SMYD3: variants seen among roughly 807,000 people sequenced by gnomAD.
SMYD3 encodes histone-lysine N-methyltransferase SMYD3.
Under a neutral mutation model 57.7 loss-of-function variants are expected in SMYD3, and 36 were observed. The ratio of observed to expected loss-of-function variants is 0.62; its 90% CI spans 0.48 to 0.82. The LOEUF is 0.82. Among genes scored for constraint, SMYD3 ranks in the 40% least tolerant of loss-of-function variants. The pLI, the probability that SMYD3 is intolerant of heterozygous loss-of-function variation, is 0.00. For synonymous variants in SMYD3, 211 were observed against 195.0 expected (o/e 1.08, Z -0.68); for missense variants, 515 against 538.8 (o/e 0.96, Z 0.44).
intron 1 of SMYD3, among the ~76,000 whole-genome samples, chr1:246,491,559 A>G (rs12045102): frequency 0.38 from 56,956 of 148,228 alleles, 12,326 homozygotes; most frequent in East Asian, 0.63. Flanking sequence ...AAAAAAAAAA[A>G]AGAGAGAGAA....
intron 10 of SMYD3, among the ~76,000 whole-genome samples, chr1:245,849,341 T>C (rs1265261486): frequency 6.6e-6 from 1 of 152,086 alleles, no homozygotes; most frequent in Non-Finnish European, 1.5e-5. Context: ...GAAAGTCAAA[T>C]GGAGGAATTT....
At chr1:246,130,924 A>G (rs1337202027) in intron 5 of SMYD3, among the ~76,000 whole-genome samples, 1 of 152,156 alleles carries the variant, frequency 6.6e-6, no homozygotes, top group East Asian at 1.9e-4. Context: ...TTCATACTAG[A>G]GCACTGAAGC....
chr1:246,458,277 T>A (rs1422120231), intron 1 of SMYD3, among the ~76,000 whole-genome samples: 2 of 151,992 alleles, frequency 1.3e-5, no homozygotes, highest in African/African-American at 4.8e-5. Flanking sequence ...AGGTCTTCCA[T>A]CTCAGATGAG....
At chr1:246,190,199 A>C (rs766211842) in intron 5 of SMYD3, among the ~76,000 whole-genome samples, 8 of 152,006 alleles carry the variant, frequency 5.3e-5, no homozygotes, top group Non-Finnish European at 7.3e-5. Context: ...TTTCCTCAAA[A>C]TAATACTGCT....
At chr1:245,798,756 C>A (rs2047712239) in intron 10 of SMYD3, among the ~76,000 whole-genome samples, 1 of 152,068 alleles carries the variant, frequency 6.6e-6, no homozygotes. Flanking sequence ...CTTAATTCCT[C>A]TCTTATGTTG....
intron 7 of SMYD3, among the ~76,000 whole-genome samples, chr1:245,925,064 T>G (rs777467094): frequency 2.0e-5 from 3 of 152,138 alleles, no homozygotes; most frequent in Non-Finnish European, 2.9e-5. Context: ...TCTTCCATTG[T>G]GAATCCCATA....
At chr1:246,035,739 A>G (rs1329000309) in intron 5 of SMYD3, 2 of 152,146 alleles carry the variant, frequency 1.3e-5, no homozygotes, top group Non-Finnish European at 1.5e-5. Flanking sequence ...GCTCATCCAT[A>G]TTCAACTCTT....
intron 9 of SMYD3, 83 bp downstream of exon 9, chr1:245,863,716 C>T: frequency 3.8e-6 from 5 of 1,298,956 alleles, no homozygotes; most frequent in Non-Finnish European, 5.5e-6. Flanking sequence ...TCAAACCCCG[C>T]CTCTGACCTC....
intron 7 of SMYD3, among the ~76,000 whole-genome samples, chr1:245,917,945 G>A (rs566353904): frequency 6.6e-6 from 1 of 152,150 alleles, no homozygotes; most frequent in Non-Finnish European, 1.5e-5. Flanking sequence ...TTACTTGTTT[G>A]AAATCATAGT....
chr1:246,233,975 C>T (rs1462302076), intron 5 of SMYD3, among the ~76,000 whole-genome samples: 10 of 137,498 alleles, frequency 7.3e-5, no homozygotes, highest in African/African-American at 1.9e-4. Flanking sequence ...GAGAAGCACT[C>T]CTTCAATTCA....
chr1:246,443,169 C>G (rs781306108), intron 1 of SMYD3, among the ~76,000 whole-genome samples: 11 of 152,162 alleles, frequency 7.2e-5, no homozygotes, highest in Non-Finnish European at 1.5e-4. Flanking sequence ...TTTCCTCAAC[C>G]TCCTCTTACC....
chr1:245,996,448 A>T (rs527352750), intron 5 of SMYD3, among the ~76,000 whole-genome samples: 1 of 152,332 alleles, frequency 6.6e-6, no homozygotes, highest in Non-Finnish European at 1.5e-5. Context: ...TTCATGATAC[A>T]GGTGTTATTT....
In SMYD3 at chr1:246,395,753, CAGTCAGACAGGGAAGAGGAACCCACCAT is replaced by C. The variant is rs1572458567; in HGVS notation, c.165-40687_165-40660del. On this transcript the variant is annotated intron_variant, in intron 1 of 11. Coordinates refer to ENST00000490107, the MANE Select transcript of SMYD3 (RefSeq NM_001167740.2). The stretch of plus-strand genomic sequence containing the variant: ...TCAGACAGGGAAGACGAACCCACCA[CAGTCAGACAGGGAAGAGGAACCCACCAT>C]GGTCAGACAGGGAAGAGGAACCCAC... Among the ~76,000 whole-genome samples the C allele has an allele frequency of 8.2e-5, 12 of 147,004 alleles. No individual in the cohort carries two copies. In the South Asian group the frequency reaches 1.8e-3, roughly 22 times the overall value.
At chr1:246,399,612 T>C (rs1572462553) in intron 1 of SMYD3, among the ~76,000 whole-genome samples, 1 of 152,200 alleles carries the variant, frequency 6.6e-6, no homozygotes, top group African/African-American at 2.4e-5. Context: ...CCAATAGTGC[T>C]GGGACTACAG....
chr1:245,893,346 C>A (rs539844072), intron 8 of SMYD3, among the ~76,000 whole-genome samples: 6 of 152,268 alleles, frequency 3.9e-5, no homozygotes, highest in South Asian at 2.1e-4. Context: ...TAGAGCCCAG[C>A]AACCCCACTC....
intron 10 of SMYD3, among the ~76,000 whole-genome samples, chr1:245,778,513 G>A (rs1376884967): frequency 1.3e-5 from 2 of 152,186 alleles, no homozygotes; most frequent in East Asian, 3.8e-4. Context: ...CTATCTCACT[G>A]TGGTTTTGAT....
At chr1:246,029,516 C>T (rs1238650136) in intron 5 of SMYD3, among the ~76,000 whole-genome samples, 2 of 151,230 alleles carry the variant, frequency 1.3e-5, no homozygotes, top group Non-Finnish European at 3.0e-5. Flanking sequence ...ACTAAAAATA[C>T]AAAAAATTAG....
At chr1:245,940,154 G>C (rs1381632819) in intron 5 of SMYD3, among the ~76,000 whole-genome samples, 1 of 152,180 alleles carries the variant, frequency 6.6e-6, no homozygotes, top group East Asian at 1.9e-4. Flanking sequence ...ACAGCACTGG[G>C]GGGAGGGGCA....
chr1:246,101,071 G>GTT (rs754724096), intron 5 of SMYD3, among the ~76,000 whole-genome samples: 30 of 54,112 alleles, frequency 5.5e-4, no homozygotes, highest in East Asian at 3.8e-3. Context: ...GGGGTTTTTT[G>GTT]TTTTTTTTTT....
Sources: allele counts gnomAD v4.1 joint callset (sites outside exome capture counted in the v4.1 genomes callset), GRCh38; gene constraint gnomAD v4.1.1; transcripts MANE v1.5; gene names NCBI Gene and HGNC (gene_info 2026-07-23, HGNC 2026-07-21).